The following ATF2 variants were observed in gnomAD, a reference collection of about 807,000 sequenced individuals.
ATF2 encodes activating transcription factor 2.
ATF2 carries 24 observed loss-of-function variants against 60.6 expected under a neutral mutation model. The observed-to-expected ratio is 0.40, with a 90% CI of 0.29 to 0.56. The LOEUF (loss-of-function observed/expected upper bound fraction) is 0.56. ATF2 is among the 20% of genes least tolerant of loss of function. ATF2 has a pLI of 0.54. For missense variants in ATF2, 433 were observed against 607.7 expected (o/e 0.71, Z 3.02); for synonymous variants, 206 against 215.4 (o/e 0.96, Z 0.38).
chr2:175,096,270 T>A (rs1694929775), intron 11 of ATF2, among the ~76,000 whole-genome samples: 1 of 152,178 alleles, frequency 6.6e-6, no homozygotes, highest in Non-Finnish European at 1.5e-5. Flanking sequence ...ACAATATCAA[T>A]CATCTCATAG....
At chr2:175,142,322 C>T (rs1296893258) in intron 2 of ATF2, among the ~76,000 whole-genome samples, 1 of 151,876 alleles carries the variant, frequency 6.6e-6, no homozygotes, top group Non-Finnish European at 1.5e-5. Flanking sequence ...GCACGCACCA[C>T]CACTCCCGGC....
chr2:175,103,426 T>A (rs912887899), intron 10 of ATF2, among the ~76,000 whole-genome samples: 8 of 152,090 alleles, frequency 5.3e-5, no homozygotes, highest in African/African-American at 1.9e-4. Context: ...CATATGAAAA[T>A]CAAGTAGGTT....
At chr2:175,136,263 G>A in intron 3 of ATF2, 149 bp downstream of exon 3, 2 of 720,972 alleles carry the variant, frequency 2.8e-6, no homozygotes, top group East Asian at 2.6e-5. Context: ...AACAAAATAG[G>A]AGTATCAGCT....
intron 1 of ATF2, among the ~76,000 whole-genome samples, chr2:175,154,553 ATT>A (rs1244994562): frequency 1.6e-4 from 24 of 152,222 alleles, no homozygotes; most frequent in African/African-American, 4.6e-4. Context: ...CAGTAACATC[ATT>A]GTTTATCAAA....
intron 13 of ATF2, 40 bp from the exon 14 acceptor site, chr2:175,074,875 C>T (rs376796632): frequency 1.9e-5 from 30 of 1,607,408 alleles, no homozygotes; most frequent in Middle Eastern, 1.7e-4. Context: ...TTCCTAAAAT[C>T]GGTAAGAATG....
chr2:175,090,307 T>G (rs1694458611), intron 12 of ATF2, among the ~76,000 whole-genome samples: 1 of 151,934 alleles, frequency 6.6e-6, no homozygotes. Context: ...TGTTTTGAGG[T>G]TCATCTACAC....
At chr2:175,156,068 T>C (rs1452399383) in intron 1 of ATF2, among the ~76,000 whole-genome samples, 1 of 152,058 alleles carries the variant, frequency 6.6e-6, no homozygotes, top group Non-Finnish European at 1.5e-5. Context: ...AGTGCAGATG[T>C]AAAAAGACTA....
chr2:175,163,419 TTCCCTACCAGTCTTGTTG>T (rs1700144905), intron 1 of ATF2, among the ~76,000 whole-genome samples: 1 of 152,158 alleles, frequency 6.6e-6, no homozygotes, highest in Non-Finnish European at 1.5e-5. Flanking sequence ...CTCCCTGTCT[TTCCCTACCAGTCTTGTTG>T]AGAATCTCTG....
rs193240115 is a variant in ATF2, at chr2:175,133,090, A to G, written c.33-2883T>C. Among the ~76,000 whole-genome samples the G allele has an allele frequency of 4.7e-3, 708 of 149,118 alleles. 4 individuals are homozygous for G. Among genetic ancestry groups the G allele is most frequent in the African/African-American group, 0.016 (654 of 40,924 alleles). Reference sequence around the variant, plus strand: ...GGCAACAGAGTGAGACTCTGTCTCAAAAAAAAAAAAAATAAATAAATAAAA... The same window carrying G: ...GGCAACAGAGTGAGACTCTGTCTCAGAAAAAAAAAAAATAAATAAATAAAA... On this transcript the variant is annotated intron_variant, in intron 3 of 13. Coordinates refer to ENST00000264110, the MANE Select transcript of ATF2 (RefSeq NM_001880.4).
chr2:175,101,612 C>T (rs566519372), intron 10 of ATF2, among the ~76,000 whole-genome samples: 41 of 152,282 alleles, frequency 2.7e-4, no homozygotes, highest in African/African-American at 9.1e-4. Context: ...TAATGAAATA[C>T]AGTAACTGCA....
chr2:175,167,527 C>T (rs1700442764), intron 1 of ATF2: 1 of 433,976 alleles, frequency 2.3e-6, no homozygotes, highest in Admixed American at 2.5e-5. Context: ...TTTTCAGCCG[C>T]GCCTCCCGAT....
intron 10 of ATF2, among the ~76,000 whole-genome samples, chr2:175,099,105 T>TC (rs1377764382): frequency 1.3e-5 from 2 of 149,398 alleles, no homozygotes; most frequent in Admixed American, 6.6e-5. Context: ...TAAATTTCTT[T>TC]TTTTTTTTTT....
intron 2 of ATF2, among the ~76,000 whole-genome samples, chr2:175,140,443 A>G (rs1244990045): frequency 6.6e-6 from 1 of 152,192 alleles, no homozygotes; most frequent in East Asian, 1.9e-4. Context: ...TGAAAACCAC[A>G]GCGACAGAAA....
At chr2:175,098,790 G>C (rs1044752074) in intron 10 of ATF2, among the ~76,000 whole-genome samples, 2 of 152,042 alleles carry the variant, frequency 1.3e-5, no homozygotes, top group South Asian at 4.1e-4. Flanking sequence ...GAACAATTCA[G>C]AAATTTTTAT....
intron 1 of ATF2, among the ~76,000 whole-genome samples, chr2:175,155,374 C>T (rs187300900): frequency 8.0e-4 from 122 of 152,348 alleles, no homozygotes; most frequent in African/African-American, 2.7e-3. Context: ...CCTCAAGCTT[C>T]TGGCTTTCCC....
At chr2:175,160,396 G>GT (rs1450396717) in intron 1 of ATF2, among the ~76,000 whole-genome samples, 2 of 152,036 alleles carry the variant, frequency 1.3e-5, no homozygotes, top group Admixed American at 1.3e-4. Context: ...ATGAAATAAA[G>GT]TAAGACTATG....
At chr2:175,075,353 A>C (rs1034914009) in intron 13 of ATF2, among the ~76,000 whole-genome samples, 3 of 152,176 alleles carry the variant, frequency 2.0e-5, no homozygotes, top group Non-Finnish European at 4.4e-5. Flanking sequence ...GGATGATTAT[A>C]ACACCTGATT....
At chr2:175,121,596 AAATGATT>A in intron 4 of ATF2, 56 bp from the exon 5 acceptor site, 1 of 1,315,168 alleles carries the variant, frequency 7.6e-7, no homozygotes, top group Non-Finnish European at 1.1e-6. Flanking sequence ...CAAATAAGTA[AAATGATT>A]AGGAAATTAA....
rs966767259 is a variant in ATF2, at chr2:175,073,608, C to A, written c.*1001G>T. Reference sequence around the variant, plus strand: ...ATCAAAATTTGCTACTAAAAGATGACAGTGCTTTCACAAGAATAGTACAAG... The same window carrying A: ...ATCAAAATTTGCTACTAAAAGATGAAAGTGCTTTCACAAGAATAGTACAAG... On this transcript the variant is annotated 3_prime_UTR_variant, in exon 14 of 14. Coordinates refer to ENST00000264110, the MANE Select transcript of ATF2 (RefSeq NM_001880.4). The A allele has an allele frequency of 6.6e-6, 1 of 151,940 alleles. No homozygotes were observed. The highest frequency in any genetic ancestry group is 2.4e-5 in the African/African-American group (1 of 41,364). 9.4% of individuals were successfully genotyped at this position (151,940 alleles called of 1,614,324 possible).
Sources: allele counts gnomAD v4.1 joint callset (sites outside exome capture counted in the v4.1 genomes callset), GRCh38; gene constraint gnomAD v4.1.1; transcripts MANE v1.5; gene names NCBI Gene and HGNC (gene_info 2026-07-23, HGNC 2026-07-21).